The following UBE2H variants were observed in gnomAD, a reference collection of about 807,000 sequenced individuals.
UBE2H encodes ubiquitin-conjugating enzyme E2 H.
UBE2H carries 3 observed loss-of-function variants against 29.0 expected under a neutral mutation model. The ratio of observed to expected loss-of-function variants is 0.10; its 90% CI spans 0.05 to 0.27. UBE2H has a LOEUF of 0.27. Ranked by LOEUF, UBE2H falls within the 10% of genes least tolerant of loss-of-function variation. UBE2H has a pLI of 1.00. For synonymous variants in UBE2H, 69 were observed against 82.9 expected, an observed-to-expected ratio of 0.83 and a Z score of 0.91; for missense variants, 68 against 228.2, an observed-to-expected ratio of 0.30 and a Z score of 4.52.
chr7:129,952,693 C>T lies in UBE2H; in HGVS notation c.-138G>A. On this transcript the variant is annotated 5_prime_UTR_variant, in exon 1 of 7. Coordinates refer to ENST00000355621, the MANE Select transcript of UBE2H (RefSeq NM_003344.4). ...GCGGTCCCGGCGGTCCCGTCAGCCG[C>T]CGCCGCCGCCCCCCGCACGGGGGAA... 2 of 957,268 alleles carry T rather than the reference C, an allele frequency of 2.1e-6. No individual in the cohort carries two copies. Among genetic ancestry groups the T allele is most frequent in the Non-Finnish European group, 2.8e-6 (2 of 707,040 alleles). 59.3% of individuals were successfully genotyped at this position (957,268 alleles called of 1,614,324 possible).
At chr7:129,899,844 A>G (rs933831452) in intron 1 of UBE2H, among the ~76,000 whole-genome samples, 11 of 152,338 alleles carry the variant, frequency 7.2e-5, no homozygotes, top group Admixed American at 7.2e-4. Flanking sequence ...GTGCCCCCAC[A>G]GGGCTGGACA....
intron 5 of UBE2H, among the ~76,000 whole-genome samples, chr7:129,840,193 GTTTT>G (rs904863454): frequency 6.7e-6 from 1 of 148,840 alleles, no homozygotes; most frequent in Admixed American, 6.7e-5. Context: ...ATTTAAAAAA[GTTTT>G]TTTTTTGAGA....
At chr7:129,873,080 C>A (rs1175235478) in intron 3 of UBE2H, among the ~76,000 whole-genome samples, 1 of 147,736 alleles carries the variant, frequency 6.8e-6, no homozygotes. Flanking sequence ...AGTGCCGTGG[C>A]GCGATCTTGG....
At chr7:129,855,460 A>G (rs950495248) in intron 5 of UBE2H, among the ~76,000 whole-genome samples, 3 of 152,214 alleles carry the variant, frequency 2.0e-5, no homozygotes, top group Non-Finnish European at 4.4e-5. Flanking sequence ...CCATTTAATC[A>G]AGCTCGGAGT....
intron 1 of UBE2H, among the ~76,000 whole-genome samples, chr7:129,940,833 C>A (rs1052004683): frequency 6.6e-6 from 1 of 152,232 alleles, no homozygotes; most frequent in Admixed American, 6.5e-5. Context: ...AAGCTTAATT[C>A]TTCTCCAATG....
chr7:129,931,395 GA>G (rs144385592), intron 1 of UBE2H, among the ~76,000 whole-genome samples: 460 of 145,568 alleles, frequency 3.2e-3, no homozygotes, highest in Non-Finnish European at 4.4e-3. Flanking sequence ...CTTGGGGAAA[GA>G]AAAAAAAAAC....
chr7:129,903,068 T>G (rs539516780), intron 1 of UBE2H, among the ~76,000 whole-genome samples: 2 of 152,316 alleles, frequency 1.3e-5, no homozygotes, highest in African/African-American at 4.8e-5. Flanking sequence ...ACCTCAATAA[T>G]GCATATGCAA....
intron 1 of UBE2H, 136 bp downstream of exon 1, chr7:129,952,367 T>C: frequency 9.1e-7 from 1 of 1,098,188 alleles, no homozygotes; most frequent in Non-Finnish European, 1.2e-6. Context: ...GGAGCCGCCG[T>C]AGGCACTGGG....
At chr7:129,855,339 A>G (rs1162151561) in intron 5 of UBE2H, among the ~76,000 whole-genome samples, 2 of 152,238 alleles carry the variant, frequency 1.3e-5, no homozygotes, top group African/African-American at 4.8e-5. Flanking sequence ...GTATTTTGAT[A>G]TGTACATTTT....
At chr7:129,839,430 T>C in intron 5 of UBE2H, 95 bp from the exon 6 acceptor site, 2 of 1,544,278 alleles carry the variant, frequency 1.3e-6, no homozygotes, top group East Asian at 2.4e-5. Context: ...TTCTTAGATA[T>C]TCACACGGGG....
At chr7:129,914,951 G>C (rs547716066) in intron 1 of UBE2H, among the ~76,000 whole-genome samples, 2 of 152,116 alleles carry the variant, frequency 1.3e-5, no homozygotes, top group Non-Finnish European at 2.9e-5. Flanking sequence ...CACAATGTCC[G>C]GCCCAGGATG....
chr7:129,939,179 A>C, intron 1 of UBE2H, among the ~76,000 whole-genome samples: 1 of 152,066 alleles, frequency 6.6e-6, no homozygotes, highest in East Asian at 1.9e-4. Context: ...CTGTTTTTTT[A>C]ATTTTTAGAG....
chr7:129,853,813 T>G (rs745831071), intron 5 of UBE2H, among the ~76,000 whole-genome samples: 4 of 152,218 alleles, frequency 2.6e-5, no homozygotes, highest in Non-Finnish European at 4.4e-5. Context: ...AGGCTATGAT[T>G]AACATACATC....
At chr7:129,894,655 T>C (rs957946931) in intron 1 of UBE2H, among the ~76,000 whole-genome samples, 3 of 151,690 alleles carry the variant, frequency 2.0e-5, no homozygotes, top group Non-Finnish European at 4.4e-5. Context: ...ACCCGGCTAA[T>C]TTTTTGTATT....
chr7:129,898,524 G>A (rs1806644244), intron 1 of UBE2H, among the ~76,000 whole-genome samples: 1 of 152,036 alleles, frequency 6.6e-6, no homozygotes, highest in South Asian at 2.1e-4. Context: ...TGAATAATAT[G>A]AAAAAAATCA....
At chr7:129,888,524 G>A (rs892393058) in intron 1 of UBE2H, among the ~76,000 whole-genome samples, 2 of 152,130 alleles carry the variant, frequency 1.3e-5, no homozygotes, top group Non-Finnish European at 2.9e-5. Context: ...GCCAAGGCTG[G>A]AGTGCAGTGG....
Position 129,833,666 on chromosome 7 carries a change from G to C in UBE2H, c.*1271C>G, listed in dbSNP as rs1477732532. The C allele has an allele frequency of 6.6e-6, 1 of 152,024 alleles. No individual in the cohort carries two copies. Among genetic ancestry groups the C allele is most frequent in the Non-Finnish European group, 1.5e-5 (1 of 68,024 alleles). 9.4% of individuals were successfully genotyped at this position (152,024 alleles called of 1,614,324 possible). A position where few individuals can be genotyped will look rare whatever the true frequency, so the allele number is the denominator to read the frequency against. ...TTTCTGAATCCCTTCTTCCTATTCG[G>C]TCACTCTCTGAAAAAAGCTGGTTTG... On this transcript the variant is annotated 3_prime_UTR_variant, in exon 7 of 7. Transcript: ENST00000355621.
intron 1 of UBE2H, among the ~76,000 whole-genome samples, chr7:129,943,627 C>T (rs1374062775): frequency 6.6e-6 from 1 of 152,198 alleles, no homozygotes; most frequent in Non-Finnish European, 1.5e-5. Context: ...ATTGGCCAGG[C>T]ATCGTGGCTC....
chr7:129,893,366 A>C (rs182553926), intron 1 of UBE2H, among the ~76,000 whole-genome samples: 2 of 152,210 alleles, frequency 1.3e-5, no homozygotes, highest in African/African-American at 4.8e-5. Flanking sequence ...AGAGTAAAAA[A>C]TTTTCAAAGA....
Sources: gnomAD v4.1 joint callset for allele counts (sites outside exome capture counted in the v4.1 genomes callset) on GRCh38, gnomAD v4.1.1 for gene constraint, MANE v1.5 for transcripts, NCBI Gene and HGNC (gene_info 2026-07-23, HGNC 2026-07-21) for gene names.